WWP1: variants seen among roughly 807,000 people sequenced by gnomAD.
The protein encoded by WWP1 is WW domain containing E3 ubiquitin protein ligase 1, also known as NEDD4-like E3 ubiquitin-protein ligase WWP1.
A neutral mutation model predicts 130.6 loss-of-function variants in WWP1; 49 were observed. The ratio of observed to expected loss-of-function variants is 0.38; its 90% CI spans 0.30 to 0.48. The LOEUF (loss-of-function observed/expected upper bound fraction) is 0.48. WWP1 is among the 20% of genes least tolerant of loss of function. WWP1 has a pLI of 0.99. For missense variants in WWP1, 809 were observed against 1,100.6 expected (o/e 0.74, Z 3.75); for synonymous variants, 332 against 367.8 (o/e 0.90, Z 1.11).
intron 1 of WWP1, among the ~76,000 whole-genome samples, chr8:86,358,093 G>A (rs1823361143): frequency 6.6e-6 from 1 of 152,198 alleles, no homozygotes. Flanking sequence ...GTATCCAAGT[G>A]TAATAAGCTT....
At chr8:86,419,263 C>G (rs577901394) in intron 9 of WWP1, among the ~76,000 whole-genome samples, 4 of 152,052 alleles carry the variant, frequency 2.6e-5, no homozygotes, top group Non-Finnish European at 5.9e-5. Flanking sequence ...ACTAAAAATA[C>G]AAAAATTAGC....
At chr8:86,423,950 CCCATAA>C (rs1563519043) in intron 9 of WWP1, among the ~76,000 whole-genome samples, 11 of 2,178 alleles carry the variant, frequency 5.1e-3, no homozygotes, top group Non-Finnish European at 0.014. Flanking sequence ...GGGGGCTGCC[CCCATAA>C]GCGCTAACTT....
Position 86,430,743 on chromosome 8 carries a change from C to T in WWP1, c.1379C>T (p.Pro460Leu). ...AATGACCCTTATGGACCTTTGCCAC[C>T]AGGCTGGGGTAAGCTGTTTTTGCTA... is the stretch of plus-strand genomic sequence containing the variant. The part of the protein sequence containing the change: ...AENDPYGPLP[P>L]GWEKRVDSTD... The change falls in exon 12 of 25, where the codon CCA becomes CTA. Residue 460 changes from proline (P) to leucine (L), a missense_variant. Around this residue, in one of 3 missense-constraint regions of WWP1, gnomAD observed 450 missense variants for 674.2 expected, o/e 0.67. Coordinates refer to ENST00000517970, the MANE Select transcript of WWP1 (RefSeq NM_007013.4). The T allele has an allele frequency of 6.4e-7, 1 of 1,560,290 alleles. No homozygotes were observed. The highest frequency in any genetic ancestry group is 1.2e-5 in the South Asian group (1 of 85,702).
At chr8:86,452,705 TAGGGAATGTTAGTGGGGGG>T in intron 21 of WWP1, 26 bp downstream of exon 21, 1 of 1,608,310 alleles carries the variant, frequency 6.2e-7, no homozygotes. Flanking sequence ...TATGCTATTG[TAGGGAATGTTAGTGGGGGG>T]AGGGACTAAT....
chr8:86,447,335 T>C (rs1002655685), intron 18 of WWP1, among the ~76,000 whole-genome samples: 1 of 152,126 alleles, frequency 6.6e-6, no homozygotes, highest in Non-Finnish European at 1.5e-5. Context: ...GGCACGATCT[T>C]GGCTCACTGC....
Position 86,442,781 on chromosome 8 carries a change from G to T in WWP1, c.1998+3G>T. 6.2e-7 allele frequency: 1 copy of T among 1,602,954 alleles called. No individual in the cohort carries two copies. The highest frequency in any genetic ancestry group is 1.1e-5 in the South Asian group (1 of 87,960). ...TCATTGGTCGTTTTATTGCCATGGTGAGTTCCTGACTTTATTATTATTTAT... is the reference window on the plus strand; with the variant it reads ...TCATTGGTCGTTTTATTGCCATGGTTAGTTCCTGACTTTATTATTATTTAT... On this transcript the variant is annotated splice_donor_region_variant and intron_variant, in intron 18 of 24. Coordinates refer to ENST00000517970, the MANE Select transcript of WWP1 (RefSeq NM_007013.4).
chr8:86,359,753 A>G lies in WWP1; in HGVS notation c.-114-9186A>G, dbSNP rs1823459625. Among the ~76,000 whole-genome samples the G allele has an allele frequency of 3.3e-5, 5 of 151,956 alleles. No individual in the cohort carries two copies. The South Asian group carries it at 1.0e-3, about 32-fold the overall frequency. ...CCTGTAAATAATACTCTCTTTCATC[A>G]TTAAAAACAGTCCTCGGCGGGCGCA... On this transcript the variant is annotated intron_variant, in intron 1 of 24. Coordinates refer to ENST00000517970, the MANE Select transcript of WWP1 (RefSeq NM_007013.4).
At chr8:86,450,091 G>A (rs1355357893) in intron 20 of WWP1, among the ~76,000 whole-genome samples, 1 of 152,120 alleles carries the variant, frequency 6.6e-6, no homozygotes, top group East Asian at 1.9e-4. Context: ...ACTGCTATGT[G>A]GCTTTTGTAA....
chr8:86,379,993 A>T (rs1446597758), intron 3 of WWP1, among the ~76,000 whole-genome samples: 1 of 152,218 alleles, frequency 6.6e-6, no homozygotes, highest in African/African-American at 2.4e-5. Flanking sequence ...ATGAGCCAGG[A>T]GTTCTACTCC....
intron 1 of WWP1, among the ~76,000 whole-genome samples, chr8:86,357,088 AATT>A (rs34288814): frequency 0.14 from 22,048 of 152,128 alleles, 1,746 homozygotes; most frequent in Non-Finnish European, 0.19. Flanking sequence ...TTGGTATAAT[AATT>A]ATGGATGGTT....
Position 86,468,262 on chromosome 8 carries a change from G to C in WWP1, c.*1369G>C, listed in dbSNP as rs554871854. On this transcript the variant is annotated 3_prime_UTR_variant, in exon 25 of 25. Transcript: ENST00000517970. The stretch of plus-strand genomic sequence containing the variant: ...ACTGCTAAGTACATACAGAAAAACA[G>C]TAATTATTGTTTTGCCAAAATTTTA... 2.2e-4 allele frequency: 87 copies of C among 386,820 alleles called. No individual in the cohort carries two copies. The highest frequency in any genetic ancestry group is 1.7e-3 in the South Asian group (85 of 49,722). 24.0% of individuals were successfully genotyped at this position (386,820 alleles called of 1,614,324 possible). A position where few individuals can be genotyped will look rare whatever the true frequency, so the allele number is the denominator to read the frequency against.
chr8:86,417,543 C>G (rs895190493), intron 9 of WWP1, among the ~76,000 whole-genome samples: 3 of 152,166 alleles, frequency 2.0e-5, no homozygotes, highest in African/African-American at 7.2e-5. Context: ...TGGAAGTGAT[C>G]TAAAAGATCA....
At chr8:86,420,400 T>TG (rs1247837464) in intron 9 of WWP1, among the ~76,000 whole-genome samples, 11 of 152,026 alleles carry the variant, frequency 7.2e-5, no homozygotes, top group African/African-American at 2.7e-4. Context: ...AAAAAGAAAT[T>TG]GGGGTATGTT....
Position 86,348,564 on chromosome 8 carries a change from C to T in WWP1, c.-115+5634C>T, listed in dbSNP as rs560920977. ...ACAGTTCACTCACAGCACATACTGG[C>T]GTACCTACTATGTGCCAGACATATT... On this transcript the variant is annotated intron_variant, in intron 1 of 24. Coordinates refer to ENST00000517970, the MANE Select transcript of WWP1 (RefSeq NM_007013.4). Among the ~76,000 whole-genome samples the T allele has an allele frequency of 1.6e-4, 25 of 152,276 alleles. 2 individuals carry two copies. Among genetic ancestry groups the T allele is most frequent in the African/African-American group, 4.3e-4 (18 of 41,554 alleles).
In WWP1 at chr8:86,466,904, T is replaced by C. The variant is rs146502552; in HGVS notation, c.*11T>C. 8.1e-6 allele frequency: 13 copies of C among 1,595,388 alleles called. No individual in the cohort carries two copies. The African/African-American group carries it at 1.6e-4, about 20-fold the overall frequency. On this transcript the variant is annotated 3_prime_UTR_variant, in exon 25 of 25. Coordinates refer to ENST00000517970, the MANE Select transcript of WWP1 (RefSeq NM_007013.4). ...TTTGGACAAGAATGAATGTGGCTTC[T>C]TATTTTGGAGGAGCTCTTGCATTTA...
chr8:86,435,694 C>G lies in WWP1; in HGVS notation c.1739C>G (p.Ser580Cys). Reference sequence around the variant, plus strand: ...TCCCGGCAGACATTGTTTGAAGATTCCTTCCAACAGGTAAGGAGGATTTTA... The same window carrying G: ...TCCCGGCAGACATTGTTTGAAGATTGCTTCCAACAGGTAAGGAGGATTTTA... ...NVSRQTLFED[S>C]FQQIMALKPY... Residue 580 changes from serine to cysteine, a missense_variant, in exon 16 of 25, where the codon TCC becomes TGC. Around this residue, in one of 3 missense-constraint regions of WWP1, gnomAD observed 450 missense variants for 674.2 expected, o/e 0.67. Coordinates refer to ENST00000517970, the MANE Select transcript of WWP1 (RefSeq NM_007013.4). The G allele has an allele frequency of 6.2e-7, 1 of 1,611,884 alleles. No individual in the cohort carries two copies. Among genetic ancestry groups the G allele is most frequent in the Non-Finnish European group, 8.5e-7 (1 of 1,179,596 alleles).
chr8:86,425,154 AG>A (rs1210426885), intron 9 of WWP1, 68 bp from the exon 10 acceptor site: 67 of 1,281,908 alleles, frequency 5.2e-5, no homozygotes, highest in Admixed American at 1.7e-4. Context: ...TCTGATTATA[AG>A]GAAGAGTCAT....
At chr8:86,376,809 A>G (rs7015160) in intron 3 of WWP1, among the ~76,000 whole-genome samples, 8,262 of 152,162 alleles carry the variant, frequency 0.054, 381 homozygotes, top group African/African-American at 0.12. Context: ...ATGATCATGG[A>G]CCTGTGCTAA....
chr8:86,414,743 T>C (rs928470297), intron 9 of WWP1, among the ~76,000 whole-genome samples: 3 of 152,208 alleles, frequency 2.0e-5, no homozygotes, highest in African/African-American at 7.2e-5. Flanking sequence ...CCACATTTTT[T>C]AATTCACTTT....
Sources: allele counts gnomAD v4.1 joint callset (sites outside exome capture counted in the v4.1 genomes callset), GRCh38; gene constraint gnomAD v4.1.1; regional missense constraint gnomAD v4.1.1; transcripts MANE v1.5; gene names NCBI Gene and HGNC (gene_info 2026-07-23, HGNC 2026-07-21).